Variants in COBLL1 observed in about 807,000 individuals in gnomAD.
COBLL1 encodes the protein cordon-bleu WH2 repeat protein like 1, also known as cordon-bleu protein-like 1.
Under a neutral mutation model 94.8 loss-of-function variants are expected in COBLL1, and 50 were observed. That is an observed-to-expected ratio of 0.53 (90% CI 0.42 to 0.67). The LOEUF (loss-of-function observed/expected upper bound fraction) is 0.67. Ranked by LOEUF, COBLL1 falls within the 30% of genes least tolerant of loss-of-function variation. The pLI is 0.00. For synonymous variants in COBLL1, 448 were observed against 473.8 expected (o/e 0.95, Z 0.71); for missense variants, 1,362 against 1,348.7 (o/e 1.01, Z -0.15).
intron 2 of COBLL1, among the ~76,000 whole-genome samples, chr2:164,764,067 T>G (rs770057280): frequency 3.5e-4 from 53 of 152,198 alleles, no homozygotes; most frequent in Non-Finnish European, 7.3e-4. Flanking sequence ...GGCTAATTTT[T>G]TTGTTTGTTT....
At chr2:164,711,435 T>C (rs1445778939) in intron 7 of COBLL1, among the ~76,000 whole-genome samples, 1 of 152,202 alleles carries the variant, frequency 6.6e-6, no homozygotes, top group Non-Finnish European at 1.5e-5. Context: ...GTCTCAGTAA[T>C]AATTAACCTT....
chr2:164,785,993 A>G (rs1487951601), intron 2 of COBLL1, among the ~76,000 whole-genome samples: 1 of 152,142 alleles, frequency 6.6e-6, no homozygotes, highest in Non-Finnish European at 1.5e-5. Flanking sequence ...GAAATGAAGC[A>G]GTCACATTAA....
chr2:164,734,314 T>C (rs1432343887), intron 3 of COBLL1, among the ~76,000 whole-genome samples: 2 of 151,704 alleles, frequency 1.3e-5, no homozygotes, highest in South Asian at 2.1e-4. Context: ...TGCGGAAAGA[T>C]AGCTTTGACA....
intron 2 of COBLL1, among the ~76,000 whole-genome samples, chr2:164,826,918 CTTT>C (rs902604876): frequency 6.7e-6 from 1 of 150,178 alleles, no homozygotes. Flanking sequence ...GTTTCTCTCT[CTTT>C]TTTGTTTTGT....
At chr2:164,822,986 G>T (rs1487288108) in intron 2 of COBLL1, among the ~76,000 whole-genome samples, 1 of 151,756 alleles carries the variant, frequency 6.6e-6, no homozygotes, top group Non-Finnish European at 1.5e-5. Flanking sequence ...CCGGGCTGGT[G>T]AAAAGTTTTA....
At chr2:164,713,917 C>T (rs1174268476) in intron 7 of COBLL1, among the ~76,000 whole-genome samples, 9 of 151,804 alleles carry the variant, frequency 5.9e-5, no homozygotes, top group Non-Finnish European at 1.3e-4. Flanking sequence ...TAAAAAATAG[C>T]AAAATAGCAT....
rs758456775 is a variant in COBLL1 at position 164,694,555 on chromosome 2, G to T, written c.2837C>A (p.Ala946Asp). 1 of 1,613,960 alleles carries T rather than the reference G, an allele frequency of 6.2e-7. No individual in the cohort carries two copies. Among genetic ancestry groups the T allele is most frequent in the Admixed American group, 1.7e-5 (1 of 59,970 alleles). Residue 946 changes from alanine (A) to aspartate (D), a missense_variant, in exon 12 of 14, where the codon GCC (alanine) becomes GAC (aspartate). Transcript: ENST00000652658. ...DDVIGQAPAEASPPPIAPKPV... is the reference protein window; with the variant it reads ...DDVIGQAPAEDSPPPIAPKPV... ...TTTTGGAGCTATGGGAGGAGGGGAG[G>T]CTTCAGCAGGAGCCTGACCGATGAC...
chr2:164,790,176 G>A (rs997150844), intron 2 of COBLL1, among the ~76,000 whole-genome samples: 2 of 152,158 alleles, frequency 1.3e-5, no homozygotes, highest in African/African-American at 4.8e-5. Context: ...TCTCCAGAAT[G>A]GCTGGCGCCC....
At chr2:164,805,342 T>TAA (rs1559033690) in intron 2 of COBLL1, among the ~76,000 whole-genome samples, 1 of 87,676 alleles carries the variant, frequency 1.1e-5, no homozygotes, top group Non-Finnish European at 2.3e-5. Context: ...TCTCTCTATA[T>TAA]ATATATATAT....
intron 2 of COBLL1, among the ~76,000 whole-genome samples, chr2:164,760,444 G>C (rs192597363): frequency 4.8e-4 from 73 of 152,274 alleles, no homozygotes; most frequent in African/African-American, 1.6e-3. Context: ...GTGGTGAAGA[G>C]TTCTGTACTC....
intron 2 of COBLL1, among the ~76,000 whole-genome samples, chr2:164,828,589 A>G (rs941557887): frequency 2.0e-5 from 3 of 152,206 alleles, no homozygotes; most frequent in African/African-American, 7.2e-5. Context: ...TAAAAAAGGG[A>G]GAAATTATAT....
chr2:164,821,327 T>C (rs1383766072), intron 2 of COBLL1, among the ~76,000 whole-genome samples: 1 of 152,182 alleles, frequency 6.6e-6, no homozygotes, highest in African/African-American at 2.4e-5. Context: ...CAAGAGAATT[T>C]GTGCTGTCAA....
At chr2:164,822,734 ATATTATTATTATTATTATTAT>A (rs199529383) in intron 2 of COBLL1, among the ~76,000 whole-genome samples, 25 of 139,480 alleles carry the variant, frequency 1.8e-4, no homozygotes, top group East Asian at 4.3e-4. Context: ...AGATTATATT[ATATTATTATTATTATTATTAT>A]TATTATTATT....
chr2:164,833,449 AT>A lies in COBLL1; in HGVS notation c.41+7706del, dbSNP rs371370712. On this transcript the variant is annotated intron_variant, in intron 2 of 13. Coordinates refer to ENST00000652658, the MANE Select transcript of COBLL1 (RefSeq NM_001365672.2). ...AATAGGCCATTTCTCCTGCCTTTAC[AT>A]TTTTTTTTTTTTTTTCCTGAGACGG... 5.3e-4 allele frequency among the ~76,000 whole-genome samples: 73 copies of A among 138,446 alleles called. 1 individual carries two copies. Among genetic ancestry groups the A allele is most frequent in the Middle Eastern group, 3.8e-3 (1 of 262 alleles). The allele number at this position is 138,446 out of a possible 152,430, so 90.8% of individuals were successfully genotyped here. A position where few individuals can be genotyped will look rare whatever the true frequency, so the allele number is the denominator to read the frequency against.
chr2:164,825,774 T>A (rs1184459372), intron 2 of COBLL1, among the ~76,000 whole-genome samples: 1 of 152,154 alleles, frequency 6.6e-6, no homozygotes, highest in Admixed American at 6.5e-5. Flanking sequence ...CTCACTCTTA[T>A]CCCCTGTACT....
intron 7 of COBLL1, among the ~76,000 whole-genome samples, chr2:164,708,493 T>C (rs1466653106): frequency 6.6e-6 from 1 of 152,216 alleles, no homozygotes; most frequent in Non-Finnish European, 1.5e-5. Flanking sequence ...AAAGGTTAAA[T>C]AGAAATCTTT....
At chr2:164,762,581 A>G (rs355837) in intron 2 of COBLL1, among the ~76,000 whole-genome samples, 35,206 of 152,162 alleles carry the variant, frequency 0.23, 4,747 homozygotes, top group African/African-American at 0.37. Flanking sequence ...ATACGAGAAC[A>G]AACTAGCTAG....
Position 164,791,284 on chromosome 2 carries a change from T to C in COBLL1, c.42-47409A>G, listed in dbSNP as rs531128526. 1.1e-3 allele frequency among the ~76,000 whole-genome samples: 173 copies of C among 152,292 alleles called. 2 individuals are homozygous for C. The highest frequency in any genetic ancestry group is 0.011 in the Admixed American group (171 of 15,296). On this transcript the variant is annotated intron_variant, in intron 2 of 13. Coordinates refer to ENST00000652658, the MANE Select transcript of COBLL1 (RefSeq NM_001365672.2). ...AATACTTTTTAAAAAGTTACCTACA[T>C]ATATTAATCAAATATTTATTTTTAA...
intron 2 of COBLL1, among the ~76,000 whole-genome samples, chr2:164,764,791 C>T (rs1558992931): frequency 6.6e-6 from 1 of 152,054 alleles, no homozygotes; most frequent in Admixed American, 6.6e-5. Context: ...TGAAACATAA[C>T]ATTTATTTTA....
Sources: gnomAD v4.1 joint callset for allele counts (sites outside exome capture counted in the v4.1 genomes callset) on GRCh38, gnomAD v4.1.1 for gene constraint, MANE v1.5 for transcripts, NCBI Gene and HGNC (gene_info 2026-07-23, HGNC 2026-07-21) for gene names.